MNDA: variants seen among roughly 807,000 people sequenced by gnomAD.
MNDA encodes epididymis secretory sperm binding protein.
Under a neutral mutation model 37.8 loss-of-function variants are expected in MNDA, and 43 were observed. The ratio of observed to expected loss-of-function variants is 1.14; its 90% CI spans 0.89 to 1.47. MNDA has a LOEUF of 1.47. Among genes scored for constraint, MNDA ranks in the 40% most tolerant of loss-of-function variants. The probability of loss-of-function intolerance (pLI) is 0.00; values close to 1 mark genes in which losing one functional copy is unlikely to be tolerated. For synonymous variants in MNDA, 181 were observed against 169.0 expected (o/e 1.07, Z -0.55); for missense variants, 536 against 476.0 (o/e 1.13, Z -1.17).
At chr1:158,838,819 C>T (rs1658972645) in intron 1 of MNDA, among the ~76,000 whole-genome samples, 1 of 152,108 alleles carries the variant, frequency 6.6e-6, no homozygotes, top group East Asian at 1.9e-4. Context: ...CATGACCTGT[C>T]TAAAAGCTAA....
chr1:158,837,112 A>T (rs1294013358), intron 1 of MNDA, among the ~76,000 whole-genome samples: 1 of 151,882 alleles, frequency 6.6e-6, no homozygotes, highest in African/African-American at 2.4e-5. Flanking sequence ...TTGGCATCCT[A>T]ATTTGTGGTA....
At chr1:158,837,601 T>C (rs1658945032) in intron 1 of MNDA, among the ~76,000 whole-genome samples, 1 of 151,854 alleles carries the variant, frequency 6.6e-6, no homozygotes, top group Admixed American at 6.6e-5. Context: ...ATCTGTAAAA[T>C]GAGCCTCTTG....
chr1:158,843,546 A>AG lies in MNDA; in HGVS notation c.402+132dup, dbSNP rs919785460. 8 of 989,044 alleles carry AG rather than the reference A, an allele frequency of 8.1e-6. No homozygotes were observed. The African/African-American group carries it at 1.4e-4, about 17-fold the overall frequency. 61.3% of individuals were successfully genotyped at this position (989,044 alleles called of 1,614,324 possible). A position where few individuals can be genotyped will look rare whatever the true frequency, so the allele number is the denominator to read the frequency against. ...GTAATTATGGATCTTCTTTGTGATGAGTAAAGAGTTAGGTATCGTAAAAAT... is the reference window on the plus strand; with the variant it reads ...GTAATTATGGATCTTCTTTGTGATGAGGTAAAGAGTTAGGTATCGTAAAAAT... On this transcript the variant is annotated intron_variant, in intron 3 of 6. Coordinates refer to ENST00000368141, the MANE Select transcript of MNDA (RefSeq NM_002432.3).
intron 1 of MNDA, among the ~76,000 whole-genome samples, chr1:158,834,309 T>C (rs1383946012): frequency 1.3e-5 from 2 of 149,234 alleles, no homozygotes; most frequent in Non-Finnish European, 3.0e-5. Context: ...CTCGACTCAC[T>C]GCAAGCTCCG....
Position 158,842,161 on chromosome 1 carries a change from A to C in MNDA, c.8A>C (p.Asn3Thr). The C allele has an allele frequency of 6.2e-7, 1 of 1,609,944 alleles. No individual in the cohort carries two copies. The highest frequency in any genetic ancestry group is 8.5e-7 in the Non-Finnish European group (1 of 1,178,122). MV[N>T]EYKKILLLKG... ...CAAGCTATAACATCAGAAATGGTGA[A>C]TGAATACAAGAAAATTCTTTTGCTG... Residue 3 changes from asparagine to threonine, a missense_variant, in exon 2 of 7, where the codon AAT (asparagine) becomes ACT (threonine). Asn to Thr is a moderately conservative substitution (Grantham distance 65). Coordinates refer to ENST00000368141, the MANE Select transcript of MNDA (RefSeq NM_002432.3).
In MNDA at chr1:158,841,416, T is replaced by C. The variant is rs550285064; in HGVS notation, c.-20-718T>C. Among the ~76,000 whole-genome samples, 11 of 152,296 alleles carry C rather than the reference T, an allele frequency of 7.2e-5. No homozygotes were observed. The East Asian group carries it at 2.1e-3, about 29-fold the overall frequency. On this transcript the variant is annotated intron_variant, in intron 1 of 6. Transcript: ENST00000368141. Reference sequence around the variant, plus strand: ...TGGTTGTCTGACAGAAACCTTTTAGTAAAAGTAAGACTAGTTGGAGGTAAA... The same window carrying C: ...TGGTTGTCTGACAGAAACCTTTTAGCAAAAGTAAGACTAGTTGGAGGTAAA...
At position 158,843,434 on chromosome 1, in the gene MNDA, A is replaced by C. The variant is rs903773787; in HGVS notation, c.402+19A>C. ...AGCTCAGGTAAGCTTGAGAAAGAGG[A>C]GCAGGACTGAAGCCTCACAGAAGAT... On this transcript the variant is annotated intron_variant, in intron 3 of 6. Coordinates refer to ENST00000368141, the MANE Select transcript of MNDA (RefSeq NM_002432.3). 1 of 1,587,838 alleles carries C rather than the reference A, an allele frequency of 6.3e-7. No homozygotes were observed. Among genetic ancestry groups the C allele is most frequent in the Non-Finnish European group, 8.6e-7 (1 of 1,168,988 alleles).
At chr1:158,847,985 C>A in intron 6 of MNDA, 69 bp downstream of exon 6, 1 of 1,424,962 alleles carries the variant, frequency 7.0e-7, no homozygotes, top group Non-Finnish European at 9.7e-7. Context: ...TTTGGGAACA[C>A]CAGGTTCCTC....
chr1:158,849,067 G>T, intron 6 of MNDA, 123 bp from the exon 7 acceptor site: 1 of 601,046 alleles, frequency 1.7e-6, no homozygotes, highest in African/African-American at 1.9e-5. Context: ...AGCTTTCATA[G>T]GGGATAAGGA....
At position 158,845,603 on chromosome 1, in the gene MNDA, C is replaced by T. The variant is rs2102051708; in HGVS notation, c.587C>T (p.Ala196Val). 1.2e-6 allele frequency: 2 copies of T among 1,612,026 alleles called. No individual in the cohort carries two copies. The highest frequency in any genetic ancestry group is 2.2e-5 in the South Asian group (2 of 90,802). Reference protein sequence around the residue: ...TSFTPNQETQAQRQVDARRNV... With the variant: ...TSFTPNQETQVQRQVDARRNV... ...CCAACACAGAATCAGGAAACCCAGG[C>T]CCAACGGCAGGTGGATGCAAGAAGA... is the stretch of plus-strand genomic sequence containing the variant. The change falls in exon 5 of 7, where the codon GCC (alanine) becomes GTC (valine). Residue 196 changes from alanine (A) to valine (V), a missense_variant. Transcript: ENST00000368141.
At position 158,847,840 on chromosome 1, in the gene MNDA, T is replaced by A; in HGVS notation, c.1100T>A (p.Leu367His). 3 of 1,614,038 alleles carry A rather than the reference T, an allele frequency of 1.9e-6. No homozygotes were observed. Among genetic ancestry groups the A allele is most frequent in the Non-Finnish European group, 2.5e-6 (3 of 1,179,910 alleles). ...ATCAAGTGTGAGAAAGGAGATAAAC[T>A]TCGACTCTTCTGCCTTCAACTGAGA... The part of the protein sequence containing the change: ...HNIKCEKGDK[L>H]RLFCLQLRTV... Residue 367 changes from leucine to histidine, a missense_variant, in exon 6 of 7, where the codon CTT (leucine) becomes CAT (histidine). Leu to His is a moderately conservative substitution (Grantham distance 99). Coordinates refer to ENST00000368141, the MANE Select transcript of MNDA (RefSeq NM_002432.3).
chr1:158,832,310 C>T lies in MNDA; in HGVS notation c.-21+753C>T, dbSNP rs1280330931. On this transcript the variant is annotated intron_variant, in intron 1 of 6. Transcript: ENST00000368141. ...GAGAAGAGTTTATAAACGTTGGATTCCAAATTCTATTTAAGTAAGATAAAG... is the reference window on the plus strand; with the variant it reads ...GAGAAGAGTTTATAAACGTTGGATTTCAAATTCTATTTAAGTAAGATAAAG... 2.0e-5 allele frequency among the ~76,000 whole-genome samples: 3 copies of T among 151,826 alleles called. No homozygotes were observed. In the East Asian group the frequency reaches 5.8e-4, roughly 29 times the overall value.
chr1:158,849,430 C>A lies in MNDA; in HGVS notation c.*193C>A. 1 of 479,572 alleles carries A rather than the reference C, an allele frequency of 2.1e-6. No individual in the cohort carries two copies. The highest frequency in any genetic ancestry group is 3.7e-6 in the Non-Finnish European group (1 of 268,532). The allele number at this position is 479,572 out of a possible 1,614,324, so 29.7% of individuals were successfully genotyped here. Reference sequence around the variant, plus strand: ...ATAAAATTTTCTTCTTATACTCTTCCTTTTTTTTAGATATTACATTTTGCT... The same window carrying A: ...ATAAAATTTTCTTCTTATACTCTTCATTTTTTTTAGATATTACATTTTGCT... On this transcript the variant is annotated 3_prime_UTR_variant, in exon 7 of 7. Transcript: ENST00000368141.
chr1:158,839,733 G>A (rs1484731759), intron 1 of MNDA, among the ~76,000 whole-genome samples: 1 of 152,140 alleles, frequency 6.6e-6, no homozygotes, highest in African/African-American at 2.4e-5. Flanking sequence ...ACACCTAGAA[G>A]TTTTCCACTA....
chr1:158,845,863 G>A lies in MNDA; in HGVS notation c.847G>A (p.Ala283Thr), dbSNP rs1276427307. 3 of 1,614,152 alleles carry A rather than the reference G, an allele frequency of 1.9e-6. No homozygotes were observed. Among genetic ancestry groups the A allele is most frequent in the Admixed American group, 1.7e-5 (1 of 60,020 alleles). Residue 283 changes from alanine to threonine, a missense_variant, in exon 5 of 7, where the codon GCA becomes ACA. Physicochemically the swap from Ala to Thr is moderately conservative, Grantham distance 58 (BLOSUM62 0). Coordinates refer to ENST00000368141, the MANE Select transcript of MNDA (RefSeq NM_002432.3). ...ECKGVMEIKE[A>T]SSVSDFNQNF... The stretch of plus-strand genomic sequence containing the variant: ...TAAAGGAGTAATGGAAATAAAGGAA[G>A]CATCATCTGTGTCTGACTTTAATCA...
intron 6 of MNDA, among the ~76,000 whole-genome samples, chr1:158,848,871 A>G (rs1659194787): frequency 6.6e-6 from 1 of 152,146 alleles, no homozygotes; most frequent in African/African-American, 2.4e-5. Context: ...GAAAATATGT[A>G]TGCCACCAGA....
intron 4 of MNDA, 58 bp from the exon 5 acceptor site, chr1:158,845,529 C>G (rs1659115153): frequency 1.3e-6 from 2 of 1,528,062 alleles, no homozygotes; most frequent in Non-Finnish European, 1.8e-6. Context: ...CGTGAGCCAC[C>G]GCGCCCGGCC....
chr1:158,832,375 A>G (rs1449261222), intron 1 of MNDA, among the ~76,000 whole-genome samples: 1 of 151,846 alleles, frequency 6.6e-6, no homozygotes, highest in Admixed American at 6.6e-5. Context: ...GAAAAATCTA[A>G]ATCTAAATCT....
At chr1:158,833,588 C>T (rs1242748570) in intron 1 of MNDA, among the ~76,000 whole-genome samples, 1 of 152,130 alleles carries the variant, frequency 6.6e-6, no homozygotes, top group Non-Finnish European at 1.5e-5. Context: ...TAAGCGTGTG[C>T]TTTTTGTGAC....
Sources: allele counts gnomAD v4.1 joint callset (sites outside exome capture counted in the v4.1 genomes callset), GRCh38; gene constraint gnomAD v4.1.1; transcripts MANE v1.5; gene names NCBI Gene and HGNC (gene_info 2026-07-23, HGNC 2026-07-21).